Variants in ONECUT2 observed in about 807,000 individuals in gnomAD.
ONECUT2 encodes one cut domain family member 2.
A neutral mutation model predicts 27.9 loss-of-function variants in ONECUT2; 10 were observed. The ratio of observed to expected loss-of-function variants is 0.36; its 90% CI spans 0.22 to 0.61. The LOEUF (loss-of-function observed/expected upper bound fraction) is 0.61. Among genes scored for constraint, ONECUT2 ranks in the 20% least tolerant of loss-of-function variants. The probability of loss-of-function intolerance (pLI) is 0.73; values close to 1 mark genes in which losing one functional copy is unlikely to be tolerated. For missense variants in ONECUT2, 686 were observed against 721.0 expected (o/e 0.95, Z 0.56); for synonymous variants, 334 against 315.1 (o/e 1.06, Z -0.64).
intron 1 of ONECUT2, among the ~76,000 whole-genome samples, chr18:57,449,149 T>C (rs2050216202): frequency 6.6e-6 from 1 of 152,218 alleles, no homozygotes; most frequent in African/African-American, 2.4e-5. Flanking sequence ...ATGTCCCTGC[T>C]TTTGTGAAGT....
rs8085311 is a variant in ONECUT2, at chr18:57,473,089, C to A, written c.1229-3348C>A. ...AGTGGTTTCTACATCTTAAAAGGGGCTGCAGAGGTTTATAGAAGCACAGAT... is the reference window on the plus strand; with the variant it reads ...AGTGGTTTCTACATCTTAAAAGGGGATGCAGAGGTTTATAGAAGCACAGAT... On this transcript the variant is annotated intron_variant, in intron 1 of 1. Transcript: ENST00000491143. Among the ~76,000 whole-genome samples, 981 of 152,290 alleles carry A rather than the reference C, an allele frequency of 6.4e-3. 12 individuals are homozygous for A. Among genetic ancestry groups the A allele is most frequent in the African/African-American group, 0.021 (891 of 41,542 alleles).
In ONECUT2 at chr18:57,481,087, T is replaced by C. The variant is rs1279558731; in HGVS notation, c.*4364T>C. ...GGCTTGCATTGTTTTTGTTTTAATG[T>C]GATTTTGGTACTAGGGATATAATTA... On this transcript the variant is annotated 3_prime_UTR_variant, in exon 2 of 2. Transcript: ENST00000491143. The C allele has an allele frequency of 6.6e-6, 1 of 152,082 alleles. No individual in the cohort carries two copies. Among genetic ancestry groups the C allele is most frequent in the South Asian group, 2.1e-4 (1 of 4,820 alleles). 9.4% of individuals were successfully genotyped at this position (152,082 alleles called of 1,614,324 possible).
At chr18:57,450,235 G>A (rs1318005960) in intron 1 of ONECUT2, among the ~76,000 whole-genome samples, 1 of 152,096 alleles carries the variant, frequency 6.6e-6, no homozygotes, top group Non-Finnish European at 1.5e-5. Context: ...GTGCAGTGGT[G>A]CGATCTCGGC....
chr18:57,476,312 C>T, intron 1 of ONECUT2, 125 bp from the exon 2 acceptor site: 1 of 952,876 alleles, frequency 1.0e-6, no homozygotes, highest in South Asian at 1.7e-5. Flanking sequence ...TTATTGACAG[C>T]TGGGCAGTTT....
At position 57,439,242 on chromosome 18, in the gene ONECUT2, C is replaced by T. The variant is rs1380711337; in HGVS notation, c.1228+2298C>T. Among the ~76,000 whole-genome samples, 4 of 152,230 alleles carry T rather than the reference C, an allele frequency of 2.6e-5. No homozygotes were observed. The South Asian group carries it at 6.2e-4, about 24-fold the overall frequency. ...CATCCCGGGGGTCCTCAGCCCCACCCGCGCCCATGGTGCAAGTCTGCAGGG... is the reference window on the plus strand; with the variant it reads ...CATCCCGGGGGTCCTCAGCCCCACCTGCGCCCATGGTGCAAGTCTGCAGGG... On this transcript the variant is annotated intron_variant, in intron 1 of 1. Transcript: ENST00000491143.
chr18:57,476,031 AACAAT>A (rs963087962), intron 1 of ONECUT2, among the ~76,000 whole-genome samples: 1 of 152,118 alleles, frequency 6.6e-6, no homozygotes, highest in African/African-American at 2.4e-5. Flanking sequence ...CTCAGCTGTA[AACAAT>A]TCGAGAGGGT....
chr18:57,475,563 A>G (rs1275588267), intron 1 of ONECUT2, among the ~76,000 whole-genome samples: 1 of 152,214 alleles, frequency 6.6e-6, no homozygotes, highest in Non-Finnish European at 1.5e-5. Flanking sequence ...GGAATACTAC[A>G]GAGGCCTGGT....
In ONECUT2 at chr18:57,476,868, A is replaced by C; in HGVS notation, c.*145A>C. On this transcript the variant is annotated 3_prime_UTR_variant, in exon 2 of 2. Coordinates refer to ENST00000491143, the MANE Select transcript of ONECUT2 (RefSeq NM_004852.3). ...ACAATTCTCTTGCAAAGAAACTTATATTCTAGCTGTAATCATAGGCCAGGT... is the reference window on the plus strand; with the variant it reads ...ACAATTCTCTTGCAAAGAAACTTATCTTCTAGCTGTAATCATAGGCCAGGT... The C allele has an allele frequency of 1.1e-6, 1 of 917,532 alleles. No individual in the cohort carries two copies. Among genetic ancestry groups the C allele is most frequent in the Non-Finnish European group, 1.6e-6 (1 of 623,008 alleles). The allele number at this position is 917,532 out of a possible 1,614,324, so 56.8% of individuals were successfully genotyped here.
intron 1 of ONECUT2, among the ~76,000 whole-genome samples, chr18:57,444,693 C>A (rs1045788001): frequency 1.3e-5 from 2 of 152,252 alleles, no homozygotes; most frequent in Non-Finnish European, 2.9e-5. Flanking sequence ...TCCTTTTATG[C>A]AGGGCCAGGG....
chr18:57,476,554 A>G lies in ONECUT2; in HGVS notation c.1346A>G (p.Lys449Arg), dbSNP rs2050383182. 1.3e-5 allele frequency: 21 copies of G among 1,614,062 alleles called. No homozygotes were observed. The highest frequency in any genetic ancestry group is 1.7e-5 in the Non-Finnish European group (20 of 1,180,034). Residue 449 changes from lysine (K) to arginine (R), a missense_variant, in exon 2 of 2, where the codon AAA becomes AGA. By Grantham distance (26) the Lys-to-Arg change is conservative. Coordinates refer to ENST00000491143, the MANE Select transcript of ONECUT2 (RefSeq NM_004852.3). ...CTCTTCGCCATCTTCAAGGAGAACA[A>G]ACGCCCGTCAAAGGAGATGCAGATC... ...RTLFAIFKENKRPSKEMQITI... is the reference protein window; with the variant it reads ...RTLFAIFKENRRPSKEMQITI...
chr18:57,447,565 G>A (rs938052117), intron 1 of ONECUT2, among the ~76,000 whole-genome samples: 2 of 152,158 alleles, frequency 1.3e-5, no homozygotes, highest in Non-Finnish European at 2.9e-5. Context: ...CCGCTGGGGG[G>A]CGGGGGATTG....
intron 1 of ONECUT2, among the ~76,000 whole-genome samples, chr18:57,463,731 G>A (rs2050305309): frequency 6.6e-6 from 1 of 151,958 alleles, no homozygotes; most frequent in East Asian, 1.9e-4. Context: ...TGATCCTATT[G>A]TAAATGATAT....
rs1005365078 is a variant in ONECUT2 at position 57,486,534 on chromosome 18, A to G, written c.*9811A>G. 6.6e-6 allele frequency: 1 copy of G among 152,634 alleles called. No individual in the cohort carries two copies. The highest frequency in any genetic ancestry group is 2.4e-5 in the African/African-American group (1 of 41,526). The allele number at this position is 152,634 out of a possible 1,614,324, so 9.5% of individuals were successfully genotyped here. ...TTTTCTCAGATATACCTCATAGACA[A>G]TAGTGTTTAGAGTAATGTTATTATA... On this transcript the variant is annotated 3_prime_UTR_variant, in exon 2 of 2. Transcript: ENST00000491143.
chr18:57,435,518 C>G lies in ONECUT2; in HGVS notation c.-199C>G, dbSNP rs2050132762. Among the ~76,000 whole-genome samples the G allele has an allele frequency of 7.0e-6, 1 of 143,556 alleles. No homozygotes were observed. The highest frequency in any genetic ancestry group is 2.2e-4 in the East Asian group (1 of 4,642). 94.2% of individuals were successfully genotyped at this position (143,556 alleles called of 152,430 possible). A position where few individuals can be genotyped will look rare whatever the true frequency, so the allele number is the denominator to read the frequency against. On this transcript the variant is annotated 5_prime_UTR_variant, in exon 1 of 2. Transcript: ENST00000491143. Reference sequence around the variant, plus strand: ...TCCCCGTCCCCTCCCCTCTCCCGCACGCACGCCCCGTCCGCCCCCACCCCG... The same window carrying G: ...TCCCCGTCCCCTCCCCTCTCCCGCAGGCACGCCCCGTCCGCCCCCACCCCG...
At position 57,479,959 on chromosome 18, in the gene ONECUT2, A is replaced by G. The variant is rs2050407513; in HGVS notation, c.*3236A>G. On this transcript the variant is annotated 3_prime_UTR_variant, in exon 2 of 2. Coordinates refer to ENST00000491143, the MANE Select transcript of ONECUT2 (RefSeq NM_004852.3). ...GGTAATTACCAATTCGTATTTTGACAAGCCTATGTGCAACCACAGCTGGCA... is the reference window on the plus strand; with the variant it reads ...GGTAATTACCAATTCGTATTTTGACGAGCCTATGTGCAACCACAGCTGGCA... 6.6e-6 allele frequency: 1 copy of G among 152,194 alleles called. No homozygotes were observed. The highest frequency in any genetic ancestry group is 1.5e-5 in the Non-Finnish European group (1 of 68,066). The allele number at this position is 152,194 out of a possible 1,614,324, so 9.4% of individuals were successfully genotyped here. A position where few individuals can be genotyped will look rare whatever the true frequency, so the allele number is the denominator to read the frequency against.
intron 1 of ONECUT2, chr18:57,467,333 A>C: frequency 2.9e-6 from 1 of 350,426 alleles, no homozygotes; most frequent in Non-Finnish European, 5.6e-6. Flanking sequence ...TTGATCATCC[A>C]CATTTCCTTT....
chr18:57,455,958 C>T (rs2050257016), intron 1 of ONECUT2, among the ~76,000 whole-genome samples: 1 of 152,222 alleles, frequency 6.6e-6, no homozygotes, highest in East Asian at 1.9e-4. Flanking sequence ...TGTGGCCAGG[C>T]ACTGAGCTGG....
rs771533584 is a variant in ONECUT2, at chr18:57,436,144, G to A, written c.428G>A (p.Gly143Asp). Residue 143 changes from glycine to aspartate, a missense_variant, in exon 1 of 2, where the codon GGC (glycine) becomes GAC (aspartate). Physicochemically the swap from Gly to Asp is moderately conservative, Grantham distance 94. Around this residue, in one of 4 missense-constraint regions of ONECUT2, gnomAD observed 511 missense variants for 488.1 expected, o/e 1.05. Transcript: ENST00000491143. This position sits in a 1 kb window ranked among gnomAD's most constrained non-coding sequence, Gnocchi z 5.9. ...MSCDSSPPGM[G>D]MSNTYTTLTP... is the part of the protein sequence containing the mutation. ...TGCGACTCGTCTCCGCCTGGCATGG[G>A]CATGAGCAACACCTACACCACGCTG... The A allele has an allele frequency of 1.2e-6, 2 of 1,604,934 alleles. No homozygotes were observed. The highest frequency in any genetic ancestry group is 1.7e-6 in the Non-Finnish European group (2 of 1,179,856).
rs562264662 is a variant in ONECUT2, at chr18:57,445,024, T to A, written c.1228+8080T>A. On this transcript the variant is annotated intron_variant, in intron 1 of 1. Transcript: ENST00000491143. The stretch of plus-strand genomic sequence containing the variant: ...AGACAAAATAGATGCATTTGGCATC[T>A]TTTTTTTTATGAGAAAAGAAAATCT... 7.9e-5 allele frequency among the ~76,000 whole-genome samples: 12 copies of A among 151,330 alleles called. No homozygotes were observed. In the South Asian group the frequency reaches 2.5e-3, roughly 32 times the overall value.
Sources: allele counts gnomAD v4.1 joint callset (sites outside exome capture counted in the v4.1 genomes callset), GRCh38; gene constraint gnomAD v4.1.1; regional missense constraint gnomAD v4.1.1; non-coding constraint Gnocchi (gnomAD v3.1); transcripts MANE v1.5; gene names NCBI Gene and HGNC (gene_info 2026-07-23, HGNC 2026-07-21).